The following NREP variants were observed in gnomAD, a reference collection of about 807,000 sequenced individuals.
NREP encodes the protein neuronal regeneration related protein.
NREP carries 5 observed loss-of-function variants against 8.6 expected under a neutral mutation model. The ratio of observed to expected loss-of-function variants is 0.58; its 90% confidence interval spans 0.30 to 1.22. The LOEUF is 1.22. Ranked by LOEUF, NREP falls within the 50% of genes most tolerant of loss-of-function variation. NREP has a pLI of 0.07. For synonymous variants in NREP, 27 were observed against 28.0 expected, an observed-to-expected ratio of 0.96 and a Z score of 0.11; for missense variants, 86 against 82.5, an observed-to-expected ratio of 1.04 and a Z score of -0.17.
chr5:111,765,181 T>A (rs189926223), intron 2 of NREP, among the ~76,000 whole-genome samples: 152 of 152,248 alleles, frequency 1.0e-3, no homozygotes, highest in African/African-American at 3.6e-3. Flanking sequence ...TTGGTTCTTA[T>A]AAGGAATGCA....
At chr5:111,915,069 GCTTGTTTC>G (rs1443165624) in intron 2 of NREP, among the ~76,000 whole-genome samples, 11 of 152,040 alleles carry the variant, frequency 7.2e-5, no homozygotes, top group Non-Finnish European at 1.6e-4. Flanking sequence ...GTGTCTTTGT[GCTTGTTTC>G]CTTGTGCTAT....
upstream of NREP, among the ~76,000 whole-genome samples, chr5:111,762,499 T>TAA (rs1243762468): frequency 1.3e-5 from 2 of 151,810 alleles, no homozygotes; most frequent in Non-Finnish European, 2.9e-5. Context: ...GAACTCTCAG[T>TAA]ACCTCAGAAT....
Position 111,835,075 on chromosome 5 carries a change from C to CCA in NREP, c.136-99570_136-99569dup, listed in dbSNP as rs745449678. Among the ~76,000 whole-genome samples, 316 of 152,254 alleles carry CCA rather than the reference C, an allele frequency of 2.1e-3. 3 individuals carry two copies. The highest frequency in any genetic ancestry group is 1.8e-3 in the Non-Finnish European group (122 of 68,010). On this transcript the variant is annotated intron_variant, in intron 2 of 3. Coordinates refer to the NREP transcript ENST00000395634. ...AAGGTCTTTTTATTTGCTGCTCTCACCACACACATCCATCTTTCCTGTGGC... is the reference window on the plus strand; with the variant it reads ...AAGGTCTTTTTATTTGCTGCTCTCACCACACACACATCCATCTTTCCTGTGGC...
chr5:111,865,297 C>T (rs1202337474), intron 2 of NREP, among the ~76,000 whole-genome samples: 1 of 152,138 alleles, frequency 6.6e-6, no homozygotes, highest in Non-Finnish European at 1.5e-5. Context: ...AACAAGACAA[C>T]ATGGTCATCA....
intron 1 of NREP, 173 bp from the exon 2 acceptor site, chr5:111,756,003 G>A (rs1750680461): frequency 7.2e-7 from 1 of 1,397,004 alleles, no homozygotes; most frequent in African/African-American, 1.4e-5. Context: ...GTGGCCTATA[G>A]GCTTAACTAA....
At chr5:111,733,581 T>C (rs974277458) in intron 3 of NREP, 24 of 152,192 alleles carry the variant, frequency 1.6e-4, no homozygotes, top group African/African-American at 5.8e-4. Context: ...GGAGGAGGCA[T>C]TTTGAAGATG....
intron 2 of NREP, among the ~76,000 whole-genome samples, chr5:111,818,180 T>A (rs567799673): frequency 6.6e-6 from 1 of 152,180 alleles, no homozygotes; most frequent in Non-Finnish European, 1.5e-5. Context: ...TTTTTAAAAA[T>A]GTAATTCAGA....
chr5:111,810,798 G>C lies in NREP; in HGVS notation c.136-75291C>G, dbSNP rs78124855. Among the ~76,000 whole-genome samples, 1,222 of 152,184 alleles carry C rather than the reference G, an allele frequency of 8.0e-3. 20 individuals are homozygous for C. The highest frequency in any genetic ancestry group is 0.028 in the African/African-American group (1,142 of 41,506). Reference sequence around the variant, plus strand: ...TCATACATACTGAGTCTTTGTTTTGGGGGGTACAAAATAGTTACTGAATTG... The same window carrying C: ...TCATACATACTGAGTCTTTGTTTTGCGGGGTACAAAATAGTTACTGAATTG... On this transcript the variant is annotated intron_variant, in intron 2 of 3. Transcript: ENST00000395634.
chr5:111,830,964 G>A (rs536897773), intron 2 of NREP, among the ~76,000 whole-genome samples: 2 of 152,252 alleles, frequency 1.3e-5, no homozygotes, highest in Admixed American at 1.3e-4. Context: ...GTACTTCCCT[G>A]TTCCATAAGT....
At chr5:111,913,454 G>A (rs1386890660) in intron 2 of NREP, among the ~76,000 whole-genome samples, 1 of 152,088 alleles carries the variant, frequency 6.6e-6, no homozygotes, top group Admixed American at 6.6e-5. Context: ...ATGGAACCCA[G>A]CATCACTATA....
chr5:111,895,524 C>T (rs906910986), intron 2 of NREP, among the ~76,000 whole-genome samples: 3 of 151,954 alleles, frequency 2.0e-5, no homozygotes, highest in Admixed American at 2.0e-4. Flanking sequence ...CCAGGCAGAG[C>T]ACGAGGGCCA....
chr5:111,799,102 T>G (rs776264083), intron 2 of NREP, among the ~76,000 whole-genome samples: 1 of 152,206 alleles, frequency 6.6e-6, no homozygotes, highest in Admixed American at 6.5e-5. Context: ...ATTTCTGCGT[T>G]CTCTATTCTG....
At chr5:111,756,539 A>T (rs1257322543) in intron 1 of NREP, among the ~76,000 whole-genome samples, 2 of 152,162 alleles carry the variant, frequency 1.3e-5, no homozygotes, top group Admixed American at 1.3e-4. Flanking sequence ...TTTTCCTATA[A>T]TGTTATTATA....
Position 111,845,711 on chromosome 5 carries a change from A to T in NREP, c.136-110204T>A, listed in dbSNP as rs931563839. On this transcript the variant is annotated intron_variant, in intron 2 of 3. Coordinates refer to the NREP transcript ENST00000395634. Reference sequence around the variant, plus strand: ...TTTCAAAAAAGCACAATTTAATATCATATATACTACACACTCAAATTTTTA... The same window carrying T: ...TTTCAAAAAAGCACAATTTAATATCTTATATACTACACACTCAAATTTTTA... 3.5e-4 allele frequency among the ~76,000 whole-genome samples: 53 copies of T among 152,178 alleles called. 1 individual carries two copies. Among genetic ancestry groups the T allele is most frequent in the African/African-American group, 1.3e-3 (52 of 41,440 alleles).
At chr5:111,857,642 G>T (rs190365512) in intron 2 of NREP, among the ~76,000 whole-genome samples, 36 of 152,218 alleles carry the variant, frequency 2.4e-4, no homozygotes, top group African/African-American at 7.9e-4. Flanking sequence ...TTGGGACACA[G>T]AAATTCCTTG....
intron 2 of NREP, among the ~76,000 whole-genome samples, chr5:111,866,984 G>C (rs62371611): frequency 1.3e-4 from 20 of 149,092 alleles, no homozygotes; most frequent in African/African-American, 4.4e-4. Context: ...ATCACACACC[G>C]GGGCCTGTTG....
chr5:111,782,625 A>T (rs893278615), intron 2 of NREP, among the ~76,000 whole-genome samples: 4 of 152,214 alleles, frequency 2.6e-5, no homozygotes, highest in African/African-American at 9.6e-5. Flanking sequence ...CTCTAAATAT[A>T]ATATTTTGAT....
intron 2 of NREP, among the ~76,000 whole-genome samples, chr5:111,867,473 C>A (rs980894671): frequency 2.0e-5 from 3 of 152,092 alleles, no homozygotes; most frequent in East Asian, 3.9e-4. Flanking sequence ...TGGATTAGGA[C>A]CCCACCCTTA....
At chr5:111,970,044 C>T (rs1327034931) in intron 2 of NREP, among the ~76,000 whole-genome samples, 1 of 152,134 alleles carries the variant, frequency 6.6e-6, no homozygotes, top group Admixed American at 6.5e-5. Flanking sequence ...CCATTTTATG[C>T]TTTGTAAAAA....
Sources: allele counts gnomAD v4.1 joint callset (sites outside exome capture counted in the v4.1 genomes callset), GRCh38; gene constraint gnomAD v4.1.1; transcripts MANE v1.5; gene names NCBI Gene and HGNC (gene_info 2026-07-23, HGNC 2026-07-21).